Variants in TCAIM observed in about 807,000 individuals in gnomAD.
TCAIM encodes the protein T-cell activation inhibitor, mitochondrial.
In TCAIM, 36 loss-of-function variants were observed where a neutral mutation model predicts 58.6. The ratio of observed to expected loss-of-function variants is 0.61; its 90% confidence interval spans 0.47 to 0.81. TCAIM has a LOEUF of 0.81. Ranked by LOEUF, TCAIM falls within the 30% of genes least tolerant of loss-of-function variation. The probability of loss-of-function intolerance (pLI) is 0.00; values close to 1 mark genes in which losing one functional copy is unlikely to be tolerated. For synonymous variants in TCAIM, 172 were observed against 193.6 expected, an observed-to-expected ratio of 0.89 and a Z score of 0.93; for missense variants, 466 against 579.6, an observed-to-expected ratio of 0.80 and a Z score of 2.01.
chr3:44,373,249 TA>T (rs1441911852), intron 5 of TCAIM, among the ~76,000 whole-genome samples: 2 of 152,184 alleles, frequency 1.3e-5, no homozygotes, highest in African/African-American at 2.4e-5. Flanking sequence ...ACTTTTATAT[TA>T]TATCCATTAA....
At position 44,396,455 on chromosome 3, in the gene TCAIM, C is replaced by T. The variant is rs1219524731; in HGVS notation, c.751C>T (p.Arg251Cys). The T allele has an allele frequency of 6.2e-6, 10 of 1,613,620 alleles. No homozygotes were observed. Among genetic ancestry groups the T allele is most frequent in the African/African-American group, 4.0e-5 (3 of 74,948 alleles). Residue 251 changes from arginine (R) to cysteine (C), a missense_variant, in exon 7 of 11, where the codon CGC (arginine) becomes TGC (cysteine). Coordinates refer to ENST00000342649, the MANE Select transcript of TCAIM (RefSeq NM_173826.4). ...HRCSQLHSLS[R>C]LAQQNLETLK... ...CTGTAGCCAGCTGCATAGTTTAAGC[C>T]GCTTAGCACAGCAGAATTTGGAAAC...
At chr3:44,358,923 G>C in intron 3 of TCAIM, 5 of 985,334 alleles carry the variant, frequency 5.1e-6, no homozygotes, top group Non-Finnish European at 6.0e-6. Flanking sequence ...TATGTGATAT[G>C]TTGGCTACTC....
chr3:44,358,194 T>C, intron 3 of TCAIM: 1 of 1,562,082 alleles, frequency 6.4e-7, no homozygotes, highest in Non-Finnish European at 8.6e-7. Flanking sequence ...ATGATCAATC[T>C]CTCTCTCTTT....
At chr3:44,380,838 A>G (rs1034859953) in intron 5 of TCAIM, among the ~76,000 whole-genome samples, 3 of 152,184 alleles carry the variant, frequency 2.0e-5, no homozygotes, top group Non-Finnish European at 4.4e-5. Context: ...TACCAATTCC[A>G]CAGAAATAAA....
chr3:44,403,549 G>A (rs902249879), intron 10 of TCAIM, among the ~76,000 whole-genome samples: 2 of 152,076 alleles, frequency 1.3e-5, no homozygotes, highest in Admixed American at 6.5e-5. Flanking sequence ...TCATCATTAG[G>A]ACTGATTATT....
intron 3 of TCAIM, chr3:44,358,146 G>C: frequency 6.6e-7 from 1 of 1,515,570 alleles, no homozygotes; most frequent in Non-Finnish European, 8.8e-7. Flanking sequence ...TTGAAGTACA[G>C]TTGAGGGTTT....
intron 8 of TCAIM, among the ~76,000 whole-genome samples, 159 bp downstream of exon 8, chr3:44,396,993 T>A (rs1162638374): frequency 6.6e-6 from 1 of 152,254 alleles, no homozygotes; most frequent in African/African-American, 2.4e-5. Flanking sequence ...GATCAGATGC[T>A]TAAATACCAT....
chr3:44,361,314 A>T lies in TCAIM; in HGVS notation c.166-51A>T, dbSNP rs577135292. On this transcript the variant is annotated intron_variant, in intron 3 of 10. Transcript: ENST00000342649. ...AAAGGTTAGATAGATATCATTTCTG[A>T]TATTTCCTTGTTCTATTTTGTATGT... The T allele has an allele frequency of 4.4e-5, 65 of 1,464,944 alleles. No individual in the cohort carries two copies. The African/African-American group carries it at 8.7e-4, about 20-fold the overall frequency. 90.7% of individuals were successfully genotyped at this position (1,464,944 alleles called of 1,614,324 possible).
chr3:44,394,915 AAAAAAAAT>A (rs2125653207), intron 6 of TCAIM, among the ~76,000 whole-genome samples: 1 of 45,372 alleles, frequency 2.2e-5, no homozygotes, highest in East Asian at 6.4e-4. Context: ...AAAAAAAAAA[AAAAAAAAT>A]ATATATATAT....
Position 44,407,503 on chromosome 3 carries a change from TTATA to T in TCAIM, c.1315_1318del (p.Tyr439LysfsTer18). On this transcript the variant is annotated frameshift_variant, in exon 11 of 11. Coordinates refer to ENST00000342649, the MANE Select transcript of TCAIM (RefSeq NM_173826.4). LOFTEE classifies it high-confidence loss of function. ...AACAAAGAAATTTTCTTTGGAGAAG[TTATA>T]TAAAGAGCCCAGCATTTCTAGTATA... The T allele has an allele frequency of 1.2e-6, 2 of 1,613,240 alleles. No homozygotes were observed. Among genetic ancestry groups the T allele is most frequent in the Non-Finnish European group, 1.7e-6 (2 of 1,179,488 alleles).
chr3:44,367,057 G>A (rs1396645261), intron 4 of TCAIM, among the ~76,000 whole-genome samples: 3 of 152,080 alleles, frequency 2.0e-5, no homozygotes, highest in African/African-American at 7.2e-5. Context: ...CTGTCACAGT[G>A]TACACTAGAA....
Position 44,408,120 on chromosome 3 carries a change from T to C in TCAIM, c.*438T>C, listed in dbSNP as rs933534781. Reference sequence around the variant, plus strand: ...AAGATGTTAGAATGAAAGAACATATTTTTAGTGATATGTAAATGAAGGATT... The same window carrying C: ...AAGATGTTAGAATGAAAGAACATATCTTTAGTGATATGTAAATGAAGGATT... On this transcript the variant is annotated 3_prime_UTR_variant, in exon 11 of 11. Transcript: ENST00000342649. 3.3e-5 allele frequency: 5 copies of C among 152,656 alleles called. No individual in the cohort carries two copies. Among genetic ancestry groups the C allele is most frequent in the Admixed American group, 2.6e-4 (4 of 15,306 alleles). 9.5% of individuals were successfully genotyped at this position (152,656 alleles called of 1,614,324 possible).
chr3:44,407,350 A>C, intron 10 of TCAIM, 92 bp from the exon 11 acceptor site: 2 of 1,109,328 alleles, frequency 1.8e-6, no homozygotes, highest in South Asian at 3.8e-5. Flanking sequence ...TTAGGGCCCC[A>C]ACATGTAAGA....
At chr3:44,381,243 A>G (rs529141451) in intron 5 of TCAIM, among the ~76,000 whole-genome samples, 2 of 152,262 alleles carry the variant, frequency 1.3e-5, no homozygotes, top group African/African-American at 4.8e-5. Context: ...ATTTAGCAGC[A>G]TATTAAAAGG....
rs888965684 is a variant in TCAIM at position 44,409,374 on chromosome 3, C to A, written c.*1692C>A. Reference sequence around the variant, plus strand: ...ATACGATTTCTAAAATATACTAATACAGAATCCTCAGTAATATGTTTTGAA... The same window carrying A: ...ATACGATTTCTAAAATATACTAATAAAGAATCCTCAGTAATATGTTTTGAA... On this transcript the variant is annotated 3_prime_UTR_variant, in exon 11 of 11. Coordinates refer to ENST00000342649, the MANE Select transcript of TCAIM (RefSeq NM_173826.4). 2 of 152,112 alleles carry A rather than the reference C, an allele frequency of 1.3e-5. No homozygotes were observed. Among genetic ancestry groups the A allele is most frequent in the African/African-American group, 4.8e-5 (2 of 41,420 alleles). The allele number at this position is 152,112 out of a possible 1,614,324, so 9.4% of individuals were successfully genotyped here.
chr3:44,400,194 T>A (rs567205552), intron 8 of TCAIM, among the ~76,000 whole-genome samples, 161 bp from the exon 9 acceptor site: 3 of 152,316 alleles, frequency 2.0e-5, no homozygotes, highest in Non-Finnish European at 2.9e-5. Flanking sequence ...TATTAATATT[T>A]CCAGCATTAC....
intron 5 of TCAIM, among the ~76,000 whole-genome samples, chr3:44,369,800 A>C (rs1701435879): frequency 6.6e-6 from 1 of 152,206 alleles, no homozygotes; most frequent in Admixed American, 6.5e-5. Context: ...GATTCATAGA[A>C]TCCATCCAGT....
chr3:44,348,287 C>T (rs372923267), intron 1 of TCAIM, among the ~76,000 whole-genome samples: 1 of 152,220 alleles, frequency 6.6e-6, no homozygotes, highest in African/African-American at 2.4e-5. Flanking sequence ...AGTCTTCAGC[C>T]ACTAAGCTGA....
At chr3:44,342,326 T>G (rs1376670017) in intron 1 of TCAIM, among the ~76,000 whole-genome samples, 1 of 152,184 alleles carries the variant, frequency 6.6e-6, no homozygotes, top group Non-Finnish European at 1.5e-5. Flanking sequence ...CTTGCATTCC[T>G]GGAAATCCTG....
Sources: allele counts gnomAD v4.1 joint callset (sites outside exome capture counted in the v4.1 genomes callset), GRCh38; gene constraint gnomAD v4.1.1; transcripts MANE v1.5; gene names NCBI Gene and HGNC (gene_info 2026-07-23, HGNC 2026-07-21).